Variants in MILR1 observed in about 807,000 individuals in gnomAD.
MILR1 encodes the protein allergin-1.
MILR1 carries 31 observed loss-of-function variants against 18.5 expected under a neutral mutation model. The observed-to-expected ratio is 1.68, with a 90% CI of 1.26 to 2.26. The LOEUF (loss-of-function observed/expected upper bound fraction) is 2.26. Among genes scored for constraint, MILR1 ranks in the 30% most tolerant of loss-of-function variants. MILR1 has a pLI of 0.00. For synonymous variants in MILR1, 85 were observed against 56.2 expected, an observed-to-expected ratio of 1.51 and a Z score of -2.30; for missense variants, 257 against 157.4, an observed-to-expected ratio of 1.63 and a Z score of -3.38.
chr17:64,457,884 T>C (rs2037335917), intron 4 of MILR1, among the ~76,000 whole-genome samples, 200 bp downstream of exon 4: 2 of 152,078 alleles, frequency 1.3e-5, no homozygotes, highest in South Asian at 4.1e-4. Flanking sequence ...CTTTGGAAGG[T>C]TGTGGCTGGC....
At chr17:64,496,809 C>G in the MILR1 span, 2 of 1,613,830 alleles carry the variant, frequency 1.2e-6, no homozygotes, top group Non-Finnish European at 1.7e-6. Flanking sequence ...GGGTGCTCGC[C>G]GTTCCCCTCG....
chr17:64,469,471 C>T (rs142100573), downstream of MILR1, among the ~76,000 whole-genome samples: 4 of 152,324 alleles, frequency 2.6e-5, no homozygotes, highest in East Asian at 7.7e-4. Context: ...GACCTTGGCT[C>T]ACTGCAACCT....
chr17:64,485,349 A>C, the MILR1 span: 1 of 214,534 alleles, frequency 4.7e-6, no homozygotes, highest in Non-Finnish European at 9.4e-6. Context: ...GAAGCCAGAC[A>C]CCTGGGGCAG....
At chr17:64,449,286 G>A (rs1296302954) in intron 1 of MILR1, 28 bp from the exon 2 acceptor site, 24 of 473,356 alleles carry the variant, frequency 5.1e-5, no homozygotes, top group African/African-American at 7.9e-5. Flanking sequence ...TGGAAAGTGA[G>A]CTTTATCGTG....
chr17:64,480,742 C>G, the MILR1 span, among the ~76,000 whole-genome samples: 2 of 152,138 alleles, frequency 1.3e-5, no homozygotes, highest in African/African-American at 2.4e-5. Context: ...TGTATGAACT[C>G]AGAGCCCTCA....
the MILR1 span, among the ~76,000 whole-genome samples, chr17:64,474,551 C>CT: frequency 1.2e-3 from 179 of 146,454 alleles, no homozygotes; most frequent in African/African-American, 3.3e-3. Context: ...ATTTTCAAAG[C>CT]TTTTTTTTTT....
the MILR1 span, chr17:64,483,965 T>C: frequency 1.3e-5 from 2 of 152,252 alleles, no homozygotes; most frequent in African/African-American, 2.4e-5. Context: ...TCCACCCACC[T>C]TGGCTTCCCA....
At chr17:64,486,016 A>T in the MILR1 span, 2 of 715,632 alleles carry the variant, frequency 2.8e-6, no homozygotes, top group Admixed American at 2.1e-5. Context: ...TCCCAGGTTC[A>T]AGTGATTCTC....
the MILR1 span, among the ~76,000 whole-genome samples, chr17:64,489,099 C>T: frequency 1.7e-4 from 25 of 147,854 alleles, 1 homozygote; most frequent in South Asian, 5.3e-3. Flanking sequence ...AGTCTTGGCT[C>T]ACTGATGATC....
chr17:64,496,654 C>T, the MILR1 span: 1,018 of 1,613,932 alleles, frequency 6.3e-4, 1 homozygote, highest in Non-Finnish European at 8.1e-4. Flanking sequence ...TCTTCCGCAA[C>T]TCTACGCCCA....
intron 2 of MILR1, among the ~76,000 whole-genome samples, chr17:64,452,132 T>C (rs1458587185): frequency 3.3e-5 from 5 of 150,688 alleles, no homozygotes; most frequent in African/African-American, 1.2e-4. Context: ...AGAGACGAGG[T>C]CTCACTTGTT....
chr17:64,451,334 G>T (rs1343355781), intron 2 of MILR1, among the ~76,000 whole-genome samples: 1 of 151,646 alleles, frequency 6.6e-6, no homozygotes, highest in Non-Finnish European at 1.5e-5. Context: ...TAGAGACAGG[G>T]TTTCACCATT....
At chr17:64,466,310 C>CCCT (rs2037558610) in intron 6 of MILR1, 132 bp from the exon 7 acceptor site, 1 of 752,196 alleles carries the variant, frequency 1.3e-6, no homozygotes, top group Non-Finnish European at 2.3e-6. Context: ...CACAGTCAAA[C>CCCT]CCTATCATCA....
the MILR1 span, chr17:64,491,459 G>A: frequency 1.0e-6 from 1 of 987,996 alleles, no homozygotes; most frequent in Non-Finnish European, 1.5e-6. Flanking sequence ...GCAGTGAGCT[G>A]TGATTGTGCA....
At chr17:64,485,995 C>A in the MILR1 span, 2 of 792,880 alleles carry the variant, frequency 2.5e-6, no homozygotes, top group South Asian at 1.4e-5. Context: ...CAGCTCCCTG[C>A]AACCTCTGCC....
At chr17:64,481,001 AG>A in the MILR1 span, among the ~76,000 whole-genome samples, 1 of 152,232 alleles carries the variant, frequency 6.6e-6, no homozygotes, top group African/African-American at 2.4e-5. Context: ...GCAATAGGGA[AG>A]CAAAACAAAG....
the MILR1 span, chr17:64,491,657 C>T: frequency 5.1e-6 from 7 of 1,368,592 alleles, no homozygotes; most frequent in Non-Finnish European, 7.3e-6. Flanking sequence ...ACTACTGGTA[C>T]TACAACAAGT....
the MILR1 span, among the ~76,000 whole-genome samples, chr17:64,478,211 GAAAAT>G: frequency 6.6e-6 from 1 of 152,112 alleles, no homozygotes; most frequent in Admixed American, 6.6e-5. Context: ...AGTCATAAAA[GAAAAT>G]AAAATCTGAG....
At chr17:64,489,113 G>A in the MILR1 span, among the ~76,000 whole-genome samples, 1 of 150,240 alleles carries the variant, frequency 6.7e-6, no homozygotes, top group African/African-American at 2.4e-5. Context: ...GATGATCCTG[G>A]AACAATATAT....
Sources: gnomAD v4.1 joint callset for allele counts (sites outside exome capture counted in the v4.1 genomes callset) on GRCh38, gnomAD v4.1.1 for gene constraint, MANE v1.5 for transcripts, NCBI Gene and HGNC (gene_info 2026-07-23, HGNC 2026-07-21) for gene names.